Variants in IGF1R observed in about 807,000 individuals in gnomAD.
The protein encoded by IGF1R is insulin like growth factor 1 receptor.
A neutral mutation model predicts 144.6 loss-of-function variants in IGF1R; 44 were observed. The ratio of observed to expected loss-of-function variants is 0.30; its 90% confidence interval spans 0.24 to 0.39. IGF1R has a LOEUF of 0.39. IGF1R is among the 10% of genes least tolerant of loss of function. The probability of loss-of-function intolerance (pLI) is 1.00; values close to 1 mark genes in which losing one functional copy is unlikely to be tolerated. For synonymous variants in IGF1R, 795 were observed against 722.8 expected (o/e 1.10, Z -1.60); for missense variants, 1,355 against 1,833.7 (o/e 0.74, Z 4.77).
intron 2 of IGF1R, among the ~76,000 whole-genome samples, chr15:98,808,916 A>C (rs752885151): frequency 6.6e-6 from 1 of 152,082 alleles, no homozygotes; most frequent in Non-Finnish European, 1.5e-5. Context: ...TTGAACTCCT[A>C]TCTCAAGTGA....
chr15:98,877,889 A>C (rs1241374772), intron 2 of IGF1R, among the ~76,000 whole-genome samples: 1 of 152,254 alleles, frequency 6.6e-6, no homozygotes, highest in Non-Finnish European at 1.5e-5. Context: ...TTTCCCTACA[A>C]GTGGCTGTCT....
At chr15:98,774,857 T>A (rs2055674517) in intron 2 of IGF1R, among the ~76,000 whole-genome samples, 1 of 152,174 alleles carries the variant, frequency 6.6e-6, no homozygotes, top group South Asian at 2.1e-4. Flanking sequence ...TTGTTATGGA[T>A]ATTTTCCCAC....
At chr15:98,660,089 C>T (rs749264697) in intron 1 of IGF1R, 5 of 152,190 alleles carry the variant, frequency 3.3e-5, no homozygotes, top group Non-Finnish European at 5.9e-5. Context: ...AGCCTTAAAC[C>T]TGTTTCCCCA....
intron 2 of IGF1R, among the ~76,000 whole-genome samples, chr15:98,853,076 G>T (rs1441862600): frequency 2.0e-5 from 3 of 152,180 alleles, no homozygotes; most frequent in African/African-American, 7.2e-5. Context: ...TCTCTGGAAG[G>T]ACTGGGTGGT....
intron 2 of IGF1R, among the ~76,000 whole-genome samples, chr15:98,779,153 A>G (rs1376681907): frequency 6.6e-6 from 1 of 152,242 alleles, no homozygotes; most frequent in Non-Finnish European, 1.5e-5. Context: ...GTTCCAGAAC[A>G]ATGTATTCAA....
rs2052255759 is a variant in IGF1R, at chr15:98,648,773, G to A, written c.-809G>A. Among the ~76,000 whole-genome samples, 1 of 146,590 alleles carries A rather than the reference G, an allele frequency of 6.8e-6. No individual in the cohort carries two copies. The highest frequency in any genetic ancestry group is 2.5e-5 in the African/African-American group (1 of 40,626). ...CCCCCGCGCCCTCCACGCCCCTCCC[G>A]CGCGGGGGCAGCTCCACGGCGCGCC... On this transcript the variant is annotated 5_prime_UTR_variant, in exon 1 of 21. Transcript: ENST00000650285.
At chr15:98,731,409 G>A (rs1471018375) in intron 2 of IGF1R, among the ~76,000 whole-genome samples, 3 of 152,172 alleles carry the variant, frequency 2.0e-5, no homozygotes, top group Non-Finnish European at 2.9e-5. Context: ...TTTTAAAAGG[G>A]TTCCATTTTC....
chr15:98,734,553 G>T (rs1455851981), intron 2 of IGF1R, among the ~76,000 whole-genome samples: 1 of 152,196 alleles, frequency 6.6e-6, no homozygotes, highest in African/African-American at 2.4e-5. Flanking sequence ...CCGAACCTGT[G>T]TCACTTCAGG....
At chr15:98,680,198 G>C (rs1240940429) in intron 1 of IGF1R, among the ~76,000 whole-genome samples, 1 of 151,956 alleles carries the variant, frequency 6.6e-6, no homozygotes, top group Non-Finnish European at 1.5e-5. Context: ...ACCACTCACT[G>C]ACTCACCCGA....
At chr15:98,882,832 T>G (rs1281078463) in intron 2 of IGF1R, among the ~76,000 whole-genome samples, 1 of 152,174 alleles carries the variant, frequency 6.6e-6, no homozygotes, top group Non-Finnish European at 1.5e-5. Context: ...TTGTACACAC[T>G]GGACTTGGGA....
intron 2 of IGF1R, among the ~76,000 whole-genome samples, chr15:98,857,851 G>C (rs1203008260): frequency 6.6e-6 from 1 of 152,160 alleles, no homozygotes. Flanking sequence ...GGATAACTGA[G>C]ACCTGTACAT....
Position 98,707,482 on chromosome 15 carries a change from C to A in IGF1R, c.95-80C>A, listed in dbSNP as rs1486214274. ...AATAATAATACAGGATTCCTGAAAA[C>A]CAACTGTATTATTGTTTGGAAAATA... On this transcript the variant is annotated intron_variant, in intron 1 of 20. Coordinates refer to ENST00000650285, the MANE Select transcript of IGF1R (RefSeq NM_000875.5). The surrounding 1 kb of genome is among the most constrained non-coding windows in gnomAD (Gnocchi z 6.7). 7.4e-7 allele frequency: 1 copy of A among 1,356,956 alleles called. No homozygotes were observed. Among genetic ancestry groups the A allele is most frequent in the Non-Finnish European group, 1.0e-6 (1 of 967,456 alleles). The allele number at this position is 1,356,956 out of a possible 1,614,324, so 84.1% of individuals were successfully genotyped here. A position where few individuals can be genotyped will look rare whatever the true frequency, so the allele number is the denominator to read the frequency against.
chr15:98,804,452 C>CTTTTGTTTTTGT (rs113749018), intron 2 of IGF1R, among the ~76,000 whole-genome samples: 5 of 151,864 alleles, frequency 3.3e-5, no homozygotes, highest in African/African-American at 9.7e-5. Context: ...AAACACATGA[C>CTTTTGTTTTTGT]TTTTGTTTTT....
intron 1 of IGF1R, among the ~76,000 whole-genome samples, chr15:98,697,058 C>G (rs1034856494): frequency 6.6e-6 from 1 of 152,118 alleles, no homozygotes; most frequent in East Asian, 1.9e-4. Context: ...AGAGTAAATG[C>G]AGAAGTTGTA....
In IGF1R at chr15:98,663,578, CTG is replaced by C. The variant is rs1258871995; in HGVS notation, c.94+13905_94+13906del. Among the ~76,000 whole-genome samples the C allele has an allele frequency of 2.6e-5, 4 of 152,204 alleles. No individual in the cohort carries two copies. The East Asian group carries it at 5.8e-4, about 22-fold the overall frequency. On this transcript the variant is annotated intron_variant, in intron 1 of 20. Transcript: ENST00000650285. Reference sequence around the variant, plus strand: ...CTCTCCTCTAAAAATGAAGGTGAAACTGTTTCAGGTGAGCGCTGTTGTTGTTC... The same window carrying C: ...CTCTCCTCTAAAAATGAAGGTGAAACTTTCAGGTGAGCGCTGTTGTTGTTC...
chr15:98,809,465 A>AG (rs2056539063), intron 2 of IGF1R, among the ~76,000 whole-genome samples: 1 of 152,176 alleles, frequency 6.6e-6, no homozygotes, highest in Non-Finnish European at 1.5e-5. Flanking sequence ...GCCTGGTGCC[A>AG]GGGCTCTGGG....
At chr15:98,895,468 A>C (rs2014148515) in intron 3 of IGF1R, among the ~76,000 whole-genome samples, 1 of 152,170 alleles carries the variant, frequency 6.6e-6, no homozygotes, top group Admixed American at 6.5e-5. Flanking sequence ...TAGAAACAAC[A>C]GAAGGCCAAG....
At position 98,960,790 on chromosome 15, in the gene IGF1R, C is replaced by G. The variant is rs1055955517; in HGVS notation, c.*3348C>G. 6 of 233,820 alleles carry G rather than the reference C, an allele frequency of 2.6e-5. No individual in the cohort carries two copies. Among genetic ancestry groups the G allele is most frequent in the South Asian group, 1.8e-4 (1 of 5,542 alleles). 14.5% of individuals were successfully genotyped at this position (233,820 alleles called of 1,614,324 possible). A position where few individuals can be genotyped will look rare whatever the true frequency, so the allele number is the denominator to read the frequency against. ...ACACGCAGGAGCAGAGTCCCCTCCC[C>G]CTCCAGGCTGCCCTCTCAACTTCTC... On this transcript the variant is annotated 3_prime_UTR_variant, in exon 21 of 21. Transcript: ENST00000650285.
chr15:98,931,817 A>G (rs1043982254), intron 15 of IGF1R, among the ~76,000 whole-genome samples: 1 of 152,174 alleles, frequency 6.6e-6, no homozygotes, highest in Non-Finnish European at 1.5e-5. Context: ...GAATCCCACC[A>G]CTGCACTACA....
Sources: gnomAD v4.1 joint callset for allele counts (sites outside exome capture counted in the v4.1 genomes callset) on GRCh38, gnomAD v4.1.1 for gene constraint, Gnocchi (gnomAD v3.1) non-coding constraint, MANE v1.5 for transcripts, NCBI Gene and HGNC (gene_info 2026-07-23, HGNC 2026-07-21) for gene names.